Variants in PEX5L observed in about 807,000 individuals in gnomAD.
PEX5L encodes the protein peroxisomal biogenesis factor 5 like.
In PEX5L, 30 loss-of-function variants were observed where a neutral mutation model predicts 84.0. The observed-to-expected ratio is 0.36, with a 90% CI of 0.27 to 0.48. PEX5L has a LOEUF of 0.48. Ranked by LOEUF, PEX5L falls within the 20% of genes least tolerant of loss-of-function variation. The probability of loss-of-function intolerance (pLI) is 0.99; values close to 1 mark genes in which losing one functional copy is unlikely to be tolerated. For missense variants in PEX5L, 533 were observed against 754.6 expected (o/e 0.71, Z 3.44); for synonymous variants, 270 against 283.1 (o/e 0.95, Z 0.46).
chr3:179,809,769 A>C (rs1723012227), intron 11 of PEX5L, 101 bp from the exon 12 acceptor site: 1 of 760,476 alleles, frequency 1.3e-6, no homozygotes, highest in African/African-American at 1.8e-5. Context: ...ATACTGCAAA[A>C]GCATTGGTAA....
In PEX5L at chr3:179,912,090, A is replaced by C. The variant is rs1765374757; in HGVS notation, c.94-13844T>G. On this transcript the variant is annotated intron_variant, in intron 2 of 14. Transcript: ENST00000467460. ...TTCATAAAGGTATTGGATCATTTCTACTCTTTACTGGGCATGAAACATGAT... is the reference window on the plus strand; with the variant it reads ...TTCATAAAGGTATTGGATCATTTCTCCTCTTTACTGGGCATGAAACATGAT... 1.3e-5 allele frequency among the ~76,000 whole-genome samples: 2 copies of C among 151,966 alleles called. 1 individual carries two copies. The highest frequency in any genetic ancestry group is 4.2e-4 in the South Asian group (2 of 4,816).
chr3:179,899,489 C>A (rs1357179362), intron 2 of PEX5L, among the ~76,000 whole-genome samples: 1 of 152,030 alleles, frequency 6.6e-6, no homozygotes, highest in Non-Finnish European at 1.5e-5. Context: ...TAACTCAGAA[C>A]TTAATAAAGC....
intron 2 of PEX5L, chr3:179,901,892 TC>T (rs1283768850): frequency 6.6e-6 from 1 of 152,148 alleles, no homozygotes; most frequent in Non-Finnish European, 1.5e-5. Context: ...GAAAACCAAG[TC>T]ATGATCCACT....
At chr3:179,935,977 G>A (rs1329819949) in intron 2 of PEX5L, among the ~76,000 whole-genome samples, 1 of 152,220 alleles carries the variant, frequency 6.6e-6, no homozygotes, top group Non-Finnish European at 1.5e-5. Flanking sequence ...AAGCTGAGCA[G>A]ATGCCAGCAC....
intron 2 of PEX5L, among the ~76,000 whole-genome samples, chr3:179,945,695 G>A (rs922338453): frequency 6.6e-6 from 1 of 152,112 alleles, no homozygotes; most frequent in Non-Finnish European, 1.5e-5. Context: ...CCTTTCCTTG[G>A]GAGTGCTACA....
At position 179,954,208 on chromosome 3, in the gene PEX5L, G is replaced by T. The variant is rs1004504457; in HGVS notation, c.93+17386C>A. 9.0e-5 allele frequency among the ~76,000 whole-genome samples: 12 copies of T among 133,188 alleles called. No homozygotes were observed. The East Asian group carries it at 1.0e-3, about 11-fold the overall frequency. 87.4% of individuals were successfully genotyped at this position (133,188 alleles called of 152,430 possible). On this transcript the variant is annotated intron_variant, in intron 2 of 14. Transcript: ENST00000467460. ...GCCCAGAAATTAACCATTAGTCGGG[G>T]GGGGGGGAAAAAGTCAGCCATGAGT...
At chr3:179,863,171 A>G (rs1237011327) in intron 7 of PEX5L, among the ~76,000 whole-genome samples, 1 of 152,238 alleles carries the variant, frequency 6.6e-6, no homozygotes, top group Non-Finnish European at 1.5e-5. Flanking sequence ...TTCTCACATT[A>G]TATACAAAAA....
intron 3 of PEX5L, among the ~76,000 whole-genome samples, chr3:179,888,914 A>G (rs1472969455): frequency 6.6e-6 from 1 of 151,742 alleles, no homozygotes; most frequent in Non-Finnish European, 1.5e-5. Context: ...ACAGGTGTGC[A>G]CCACTATGGC....
intron 1 of PEX5L, among the ~76,000 whole-genome samples, chr3:180,021,118 T>C (rs1026192706): frequency 1.3e-5 from 2 of 152,088 alleles, no homozygotes; most frequent in Admixed American, 1.3e-4. Context: ...AGACTCCTTA[T>C]AGGAAGTGAT....
chr3:180,009,815 AC>A (rs1789263401), intron 1 of PEX5L, among the ~76,000 whole-genome samples: 1 of 151,840 alleles, frequency 6.6e-6, no homozygotes, highest in Non-Finnish European at 1.5e-5. Context: ...AATTTAGTTC[AC>A]CTCTATGTGT....
intron 8 of PEX5L, among the ~76,000 whole-genome samples, chr3:179,822,886 T>C (rs768478379): frequency 9.9e-5 from 15 of 152,230 alleles, no homozygotes; most frequent in Non-Finnish European, 1.8e-4. Context: ...GAATAGCAGC[T>C]TTCCCCTTGG....
chr3:179,940,437 C>T (rs577004415), intron 2 of PEX5L, among the ~76,000 whole-genome samples: 1 of 152,078 alleles, frequency 6.6e-6, no homozygotes, highest in African/African-American at 2.4e-5. Flanking sequence ...AAGAGACCTA[C>T]AGAAGGCTTT....
At chr3:179,940,677 T>A (rs952769798) in intron 2 of PEX5L, among the ~76,000 whole-genome samples, 4 of 152,222 alleles carry the variant, frequency 2.6e-5, no homozygotes, top group African/African-American at 9.6e-5. Flanking sequence ...GCTCCACTTT[T>A]GCTCTGCCTG....
At chr3:180,036,373 G>A (rs554808505) in intron 1 of PEX5L, among the ~76,000 whole-genome samples, 2 of 152,258 alleles carry the variant, frequency 1.3e-5, no homozygotes, top group East Asian at 3.9e-4. Context: ...CCCAATCGAA[G>A]TTCTGAGGTC....
At chr3:180,006,839 C>T (rs1788945113) in intron 1 of PEX5L, among the ~76,000 whole-genome samples, 1 of 152,174 alleles carries the variant, frequency 6.6e-6, no homozygotes, top group Non-Finnish European at 1.5e-5. Flanking sequence ...ACTTACCTCC[C>T]CTTGGGTCCC....
chr3:179,986,525 C>T (rs1280303181), intron 1 of PEX5L, among the ~76,000 whole-genome samples: 15 of 151,732 alleles, frequency 9.9e-5, no homozygotes, highest in Non-Finnish European at 4.4e-5. Context: ...GCCTCAGCCT[C>T]CCGAGTAGCT....
intron 1 of PEX5L, among the ~76,000 whole-genome samples, chr3:180,000,916 G>A (rs1788340748): frequency 6.6e-6 from 1 of 152,118 alleles, no homozygotes; most frequent in African/African-American, 2.4e-5. Context: ...AAGTTGACAA[G>A]GGGTGGACTT....
chr3:179,915,009 A>G (rs962896499), intron 2 of PEX5L, among the ~76,000 whole-genome samples: 16 of 152,214 alleles, frequency 1.1e-4, no homozygotes, highest in Non-Finnish European at 2.4e-4. Flanking sequence ...AACACCTTCT[A>G]TAAGATGCAG....
At chr3:179,963,441 A>C (rs1432453392) in intron 2 of PEX5L, among the ~76,000 whole-genome samples, 1 of 152,130 alleles carries the variant, frequency 6.6e-6, no homozygotes, top group Non-Finnish European at 1.5e-5. Context: ...ATGATAACTT[A>C]ATGTCCATTA....
Sources: allele counts gnomAD v4.1 joint callset (sites outside exome capture counted in the v4.1 genomes callset), GRCh38; gene constraint gnomAD v4.1.1; transcripts MANE v1.5; gene names NCBI Gene and HGNC (gene_info 2026-07-23, HGNC 2026-07-21).